The following JAK3 variants were observed in gnomAD, a reference collection of about 807,000 sequenced individuals.
JAK3 encodes tyrosine-protein kinase JAK3.
JAK3 carries 88 observed loss-of-function variants against 120.8 expected under a neutral mutation model. That is an observed-to-expected ratio of 0.73 (90% CI 0.61 to 0.87). The LOEUF (loss-of-function observed/expected upper bound fraction) is 0.87. Ranked by LOEUF, JAK3 falls within the 40% of genes least tolerant of loss-of-function variation. The pLI is 0.00. For missense variants in JAK3, 1,254 were observed against 1,501.4 expected, an observed-to-expected ratio of 0.84 and a Z score of 2.72; for synonymous variants, 592 against 628.6, an observed-to-expected ratio of 0.94 and a Z score of 0.87.
rs1317864788 is a variant in JAK3, at chr19:17,831,810, A to G, written c.2681-12T>C. 10 of 1,612,532 alleles carry G rather than the reference A, an allele frequency of 6.2e-6. No homozygotes were observed. Among genetic ancestry groups the G allele is most frequent in the Admixed American group, 1.7e-5 (1 of 59,994 alleles). On this transcript the variant is annotated splice_polypyrimidine_tract_variant and intron_variant, in intron 19 of 23. Coordinates refer to ENST00000458235, the MANE Select transcript of JAK3 (RefSeq NM_000215.4). This position sits in a 1 kb window ranked among gnomAD's most constrained non-coding sequence, Gnocchi z 5.1. ...CAGGCTCTGGCGGCCTGGAGAAGGC[A>G]GGATCTGTCACAGCAGGGCCCAGCC...
Position 17,831,733 on chromosome 19 carries a change from G to T in JAK3, c.2746C>A (p.Arg916=). 1.2e-6 allele frequency: 2 copies of T among 1,612,270 alleles called. No homozygotes were observed. Among genetic ancestry groups the T allele is most frequent in the Non-Finnish European group, 1.7e-6 (2 of 1,179,702 alleles). Residue 916 remains arginine, a synonymous_variant, in exon 20 of 24, where the codon CGG becomes AGG. Transcript: ENST00000458235. The surrounding 1 kb of genome is among the most constrained non-coding windows in gnomAD (Gnocchi z 5.1). ...PSGCLRDFLQ[R]HRARLDASRL... ...CTGGCATCGAGGCGCGCGCGGTGCC[G>T]CTGCAGGAAGTCGCGCAAGCAGCCG...
intron 23 of JAK3, among the ~76,000 whole-genome samples, chr19:17,829,287 C>G (rs3212784): frequency 0.021 from 3,140 of 152,136 alleles, 130 homozygotes; most frequent in African/African-American, 0.072. Flanking sequence ...GCCTCAGCCT[C>G]GCAAGTAGCT....
rs2094214278 is a variant in JAK3 at position 17,831,408 on chromosome 19, C to A, written c.2806-8G>T. On this transcript the variant is annotated splice_polypyrimidine_tract_variant and splice_region_variant and intron_variant, in intron 20 of 23. Transcript: ENST00000458235. This position sits in a 1 kb window ranked among gnomAD's most constrained non-coding sequence, Gnocchi z 5.1. Reference sequence around the variant, plus strand: ...GCCCAGGTACTCCATGCCCTGCGGGCGGGCGGTGTGAGCGTGCAGAGAGGA... The same window carrying A: ...GCCCAGGTACTCCATGCCCTGCGGGAGGGCGGTGTGAGCGTGCAGAGAGGA... 7 of 1,601,998 alleles carry A rather than the reference C, an allele frequency of 4.4e-6. No homozygotes were observed. The highest frequency in any genetic ancestry group is 5.9e-6 in the Non-Finnish European group (7 of 1,179,680).
chr19:17,830,737 T>C (rs1839939524), intron 21 of JAK3, 117 bp from the exon 22 acceptor site: 2 of 775,168 alleles, frequency 2.6e-6, no homozygotes, highest in Admixed American at 3.8e-5. Context: ...GTCAGTCCCG[T>C]CTCCAGGGTC....
Position 17,831,706 on chromosome 19 carries a change from G to A in JAK3, c.2773C>T (p.Arg925Cys), listed in dbSNP as rs149452625. The change falls in exon 20 of 24, where the codon CGC (arginine) becomes TGC (cysteine). Residue 925 changes from arginine (R) to cysteine (C), a missense_variant. Arg to Cys is a radical substitution (Grantham distance 180, BLOSUM62 -3). Transcript: ENST00000458235. This position sits in a 1 kb window ranked among gnomAD's most constrained non-coding sequence, Gnocchi z 5.1. ...ATCTGCGAGGAATAGAGAAGGAGGC[G>A]GCTGGCATCGAGGCGCGCGCGGTGC... ...QRHRARLDAS[R>C]LLLYSSQICK... The A allele has an allele frequency of 2.0e-4, 324 of 1,610,432 alleles. 1 individual carries two copies. Among genetic ancestry groups the A allele is most frequent in the Non-Finnish European group, 2.6e-4 (310 of 1,179,054 alleles).
At position 17,842,269 on chromosome 19, in the gene JAK3, G is replaced by T; in HGVS notation, c.861+47C>A. The T allele has an allele frequency of 3.3e-5, 41 of 1,258,452 alleles. No individual in the cohort carries two copies. The highest frequency in any genetic ancestry group is 4.2e-5 in the Non-Finnish European group (39 of 934,524). 78.0% of individuals were successfully genotyped at this position (1,258,452 alleles called of 1,614,324 possible). A position where few individuals can be genotyped will look rare whatever the true frequency, so the allele number is the denominator to read the frequency against. On this transcript the variant is annotated intron_variant, in intron 6 of 23. Coordinates refer to ENST00000458235, the MANE Select transcript of JAK3 (RefSeq NM_000215.4). The surrounding 1 kb of genome is among the most constrained non-coding windows in gnomAD (Gnocchi z 6.4). ...CTACCACTCTCCGGCCCCTCCCCGA[G>T]CCCCGCCCCCACGTTGGCCCCGCCC...
intron 1 of JAK3, among the ~76,000 whole-genome samples, chr19:17,844,810 A>AGAAAGAAAG (rs1425165687): frequency 7.9e-6 from 1 of 127,142 alleles, no homozygotes; most frequent in African/African-American, 3.2e-5. Context: ...AAAAAAAAAA[A>AGAAAGAAAG]AAAGAAAGAA....
rs1315734619 is a variant in JAK3 at position 17,839,660 on chromosome 19, G to C, written c.1258C>G (p.Pro420Ala). Residue 420 changes from proline (P) to alanine (A), a missense_variant, in exon 10 of 24, where the codon CCC (proline) becomes GCC (alanine). This residue lies in a region of JAK3 where 486 missense variants were observed against 503.0 expected (regional missense o/e 0.97). Coordinates refer to ENST00000458235, the MANE Select transcript of JAK3 (RefSeq NM_000215.4). ...SFLLTVCVQN[P>A]LGPDYKGCLI... ...CAGCCCTTATAATCAGGACCAAGGG[G>C]GTTCTGCAAAGAAGAGTGGCCCCTG... 1 of 1,609,712 alleles carries C rather than the reference G, an allele frequency of 6.2e-7. No individual in the cohort carries two copies. Among genetic ancestry groups the C allele is most frequent in the South Asian group, 1.1e-5 (1 of 89,884 alleles).
rs1432333248 is a variant in JAK3, at chr19:17,825,597, T to A, written c.*1146A>T. 4 of 187,262 alleles carry A rather than the reference T, an allele frequency of 2.1e-5. No homozygotes were observed. The highest frequency in any genetic ancestry group is 9.4e-5 in the African/African-American group (4 of 42,632). The allele number at this position is 187,262 out of a possible 1,614,324, so 11.6% of individuals were successfully genotyped here. On this transcript the variant is annotated 3_prime_UTR_variant, in exon 24 of 24. Transcript: ENST00000458235. ...CAGAGATCGGGGAGCAGAAGTCAGA[T>A]CATACATTTAAAGCTACATGAGGGC...
rs2147696967 is a variant in JAK3 at position 17,842,343 on chromosome 19, G to T, written c.834C>A (p.Gly278=). Residue 278 remains glycine, a synonymous_variant, in exon 6 of 24, where the codon GGC becomes GGA. Transcript: ENST00000458235. This position sits in a 1 kb window ranked among gnomAD's most constrained non-coding sequence, Gnocchi z 6.4. The part of the protein sequence containing the change: ...LGLLRVAGDG[G]IAWTQGEQEV... ...CCTGTTCTCCCTGGGTCCAGGCGAT[G>T]CCGCCGTCACCAGCCACGCGGAGCA... 1 of 1,585,722 alleles carries T rather than the reference G, an allele frequency of 6.3e-7. No individual in the cohort carries two copies. The highest frequency in any genetic ancestry group is 2.3e-5 in the East Asian group (1 of 43,882).
At position 17,831,507 on chromosome 19, in the gene JAK3, C is replaced by G. The variant is rs2094214473; in HGVS notation, c.2806-107G>C. ...CCAGACCCCAACTATAACCCTACCC[C>G]CGAGCCATCCTCCACTGAAGTTCTG... On this transcript the variant is annotated intron_variant, in intron 20 of 23. Transcript: ENST00000458235. The surrounding 1 kb of genome is among the most constrained non-coding windows in gnomAD (Gnocchi z 5.1). 1 of 1,531,292 alleles carries G rather than the reference C, an allele frequency of 6.5e-7. No individual in the cohort carries two copies. Among genetic ancestry groups the G allele is most frequent in the African/African-American group, 1.4e-5 (1 of 73,260 alleles). 94.9% of individuals were successfully genotyped at this position (1,531,292 alleles called of 1,614,324 possible). A position where few individuals can be genotyped will look rare whatever the true frequency, so the allele number is the denominator to read the frequency against.
At chr19:17,840,102 C>T in intron 9 of JAK3, 128 bp downstream of exon 9, 1 of 723,568 alleles carries the variant, frequency 1.4e-6, no homozygotes, top group Non-Finnish European at 2.5e-6. Flanking sequence ...ATATGCTGTT[C>T]TGTTCACCGG....
In JAK3 at chr19:17,841,891, CCCT is replaced by C. The variant is rs1298314309; in HGVS notation, c.862-132_862-130del. 7.6e-7 allele frequency: 1 copy of C among 1,313,460 alleles called. No individual in the cohort carries two copies. Among genetic ancestry groups the C allele is most frequent in the Non-Finnish European group, 1.1e-6 (1 of 951,316 alleles). The allele number at this position is 1,313,460 out of a possible 1,614,324, so 81.4% of individuals were successfully genotyped here. ...CCATTCAACCCTTCCAAGCCGCGCCCCCTCCTATCAACTCCAACCTCTCAACAC... is the reference window on the plus strand; with the variant it reads ...CCATTCAACCCTTCCAAGCCGCGCCCCCTATCAACTCCAACCTCTCAACAC... On this transcript the variant is annotated intron_variant, in intron 6 of 23. Coordinates refer to ENST00000458235, the MANE Select transcript of JAK3 (RefSeq NM_000215.4). The surrounding 1 kb of genome is among the most constrained non-coding windows in gnomAD (Gnocchi z 4.1).
Position 17,832,589 on chromosome 19 carries a change from C to T in JAK3, c.2610G>A (p.Arg870=), listed in dbSNP as rs2147678256. The T allele has an allele frequency of 6.2e-7, 1 of 1,614,224 alleles. No homozygotes were observed. Among genetic ancestry groups the T allele is most frequent in the Non-Finnish European group, 8.5e-7 (1 of 1,180,048 alleles). The part of the protein sequence containing the change: ...SGPDQQRDFQ[R]EIQILKALHS... ...GCAGTGCTTTGAGGATCTGAATCTC[C>T]CGCTGAAAGTCCCTCTGCTGGTCTG... is the stretch of plus-strand genomic sequence containing the variant. Residue 870 remains arginine (R), a synonymous_variant, in exon 19 of 24, where the codon CGG becomes CGA. Transcript: ENST00000458235. The surrounding 1 kb of genome is among the most constrained non-coding windows in gnomAD (Gnocchi z 4.7).
In JAK3 at chr19:17,842,046, CCT is replaced by C. The variant is rs2094240613; in HGVS notation, c.861+268_861+269del. 6.6e-6 allele frequency among the ~76,000 whole-genome samples: 1 copy of C among 151,904 alleles called. No individual in the cohort carries two copies. Among genetic ancestry groups the C allele is most frequent in the Admixed American group, 6.6e-5 (1 of 15,260 alleles). ...TCCCAGCTCTCGGAGCCTCACTCTG[CCT>C]CTTAGTCTTGCCTCGTTCCAGCGCC... On this transcript the variant is annotated intron_variant, in intron 6 of 23. Coordinates refer to ENST00000458235, the MANE Select transcript of JAK3 (RefSeq NM_000215.4). This position sits in a 1 kb window ranked among gnomAD's most constrained non-coding sequence, Gnocchi z 6.4.
At chr19:17,838,157 A>G in intron 11 of JAK3, 94 bp from the exon 12 acceptor site, 2 of 1,612,348 alleles carry the variant, frequency 1.2e-6, no homozygotes, top group Non-Finnish European at 1.7e-6. Context: ...CATTTTACAG[A>G]TGGGAAAACC....
In JAK3 at chr19:17,834,735, G is replaced by A. The variant is rs753694612; in HGVS notation, c.2200-14C>T. 14 of 1,613,964 alleles carry A rather than the reference G, an allele frequency of 8.7e-6. No homozygotes were observed. The highest frequency in any genetic ancestry group is 1.3e-5 in the African/African-American group (1 of 74,900). ...AAATTGGAGTTTCTGAGGGTGAGAG[G>A]AGCAGTCGGTAATCCCCAACCCAAT... is the stretch of plus-strand genomic sequence containing the variant. On this transcript the variant is annotated splice_polypyrimidine_tract_variant and intron_variant, in intron 16 of 23. Coordinates refer to ENST00000458235, the MANE Select transcript of JAK3 (RefSeq NM_000215.4).
chr19:17,833,981 G>C (rs2094219129), intron 17 of JAK3, among the ~76,000 whole-genome samples: 2 of 152,024 alleles, frequency 1.3e-5, no homozygotes, highest in Admixed American at 6.6e-5. Context: ...GAACTCCTGG[G>C]CTCAAGCGAT....
In JAK3 at chr19:17,842,524, C is replaced by T. The variant is rs201460834; in HGVS notation, c.653G>A (p.Arg218His). 1.3e-6 allele frequency: 2 copies of T among 1,591,684 alleles called. No homozygotes were observed. Among genetic ancestry groups the T allele is most frequent in the Admixed American group, 1.8e-5 (1 of 56,492 alleles). ...VTRRRIRRTVRRALRRVAACQ... is the reference protein window; with the variant it reads ...VTRRRIRRTVHRALRRVAACQ... ...GGCGGCCACGCGGCGCAGGGCTCTG[C>T]GCACCGTCCTCCGAATACGCCTCCG... The change falls in exon 6 of 24, where the codon CGC becomes CAC. Residue 218 changes from arginine to histidine, a missense_variant. This residue lies in a region of JAK3 where 486 missense variants were observed against 503.0 expected (regional missense o/e 0.97). Transcript: ENST00000458235. The surrounding 1 kb of genome is among the most constrained non-coding windows in gnomAD (Gnocchi z 6.4).
Sources: gnomAD v4.1 joint callset for allele counts (sites outside exome capture counted in the v4.1 genomes callset) on GRCh38, gnomAD v4.1.1 for gene constraint, gnomAD v4.1.1 regional missense constraint, Gnocchi (gnomAD v3.1) non-coding constraint, MANE v1.5 for transcripts, NCBI Gene and HGNC (gene_info 2026-07-23, HGNC 2026-07-21) for gene names.